B2M: variants seen among roughly 807,000 people sequenced by gnomAD.
The protein encoded by B2M is beta chain of MHC class I molecules.
A neutral mutation model predicts 14.5 loss-of-function variants in B2M; 3 were observed. The observed-to-expected ratio is 0.21, with a 90% CI of 0.09 to 0.53. The LOEUF (loss-of-function observed/expected upper bound fraction) is 0.53. Ranked by LOEUF, B2M falls within the 20% of genes least tolerant of loss-of-function variation. B2M has a pLI of 0.95. For synonymous variants in B2M, 45 were observed against 52.7 expected, an observed-to-expected ratio of 0.85 and a Z score of 0.64; for missense variants, 107 against 140.8, an observed-to-expected ratio of 0.76 and a Z score of 1.21.
chr15:44,711,592 T>C lies in B2M; in HGVS notation c.46T>C (p.Ser16Pro). Residue 16 changes from serine (S) to proline (P), a missense_variant, in exon 1 of 4, where the codon TCT (serine) becomes CCT (proline). Ser to Pro is a moderately conservative substitution (Grantham distance 74, BLOSUM62 -1). Coordinates refer to ENST00000648006, the MANE Select transcript of B2M (RefSeq NM_004048.4). Reference sequence around the variant, plus strand: ...AGCTGTGCTCGCGCTACTCTCTCTTTCTGGCCTGGAGGCTATCCAGCGTGA... The same window carrying C: ...AGCTGTGCTCGCGCTACTCTCTCTTCCTGGCCTGGAGGCTATCCAGCGTGA... The part of the protein sequence containing the change: ...ALAVLALLSL[S>P]GLEAIQRTPK... The C allele has an allele frequency of 6.2e-7, 1 of 1,613,880 alleles. No homozygotes were observed. Among genetic ancestry groups the C allele is most frequent in the Non-Finnish European group, 8.5e-7 (1 of 1,179,998 alleles).
chr15:44,711,740 C>T, intron 1 of B2M, 127 bp downstream of exon 1: 1 of 1,229,664 alleles, frequency 8.1e-7, no homozygotes. Context: ...CGCCGTGGGG[C>T]TAGTCCAGGG....
intron 3 of B2M, chr15:44,716,563 G>T: frequency 1.6e-6 from 1 of 616,630 alleles, no homozygotes; most frequent in East Asian, 2.7e-5. Flanking sequence ...CCATATTACT[G>T]ACCCTCTACA....
chr15:44,716,460 A>T (rs754833623), intron 3 of B2M, 104 bp downstream of exon 3: 6 of 1,246,276 alleles, frequency 4.8e-6, no homozygotes, highest in Non-Finnish European at 7.0e-6. Context: ...ACATTGACAG[A>T]GTAACATTTT....
chr15:44,715,456 C>T lies in B2M; in HGVS notation c.101C>T (p.Pro34Leu), dbSNP rs1261957968. 3 of 1,614,078 alleles carry T rather than the reference C, an allele frequency of 1.9e-6. No individual in the cohort carries two copies. In the South Asian group the frequency reaches 3.3e-5, roughly 18 times the overall value. The change falls in exon 2 of 4, where the codon CCA becomes CTA. Residue 34 changes from proline (P) to leucine (L), a missense_variant. Pro to Leu is a moderately conservative substitution (Grantham distance 98). Transcript: ENST00000648006. The stretch of plus-strand genomic sequence containing the variant: ...AAGATTCAGGTTTACTCACGTCATC[C>T]AGCAGAGAATGGAAAGTCAAATTTC... ...TPKIQVYSRH[P>L]AENGKSNFLN...
chr15:44,714,950 G>A, intron 1 of B2M: 14 of 207,996 alleles, frequency 6.7e-5, no homozygotes, highest in South Asian at 1.4e-4. Flanking sequence ...AAATGGAAGG[G>A]GTGGAAACAG....
intron 1 of B2M, chr15:44,711,857 C>A: frequency 1.6e-6 from 1 of 623,850 alleles, no homozygotes; most frequent in South Asian, 1.8e-5. Context: ...AGACCTTTGG[C>A]CTACGGCGAC....
rs1350819434 is a variant in B2M at position 44,715,460 on chromosome 15, A to G, written c.105A>G (p.Ala35=). The G allele has an allele frequency of 5.6e-6, 9 of 1,614,056 alleles. No individual in the cohort carries two copies. The African/African-American group carries it at 9.3e-5, about 17-fold the overall frequency. The change falls in exon 2 of 4, where the codon GCA becomes GCG. Residue 35 remains alanine, a synonymous_variant. Transcript: ENST00000648006. Reference sequence around the variant, plus strand: ...TTCAGGTTTACTCACGTCATCCAGCAGAGAATGGAAAGTCAAATTTCCTGA... The same window carrying G: ...TTCAGGTTTACTCACGTCATCCAGCGGAGAATGGAAAGTCAAATTTCCTGA... The part of the protein sequence containing the change: ...PKIQVYSRHP[A]ENGKSNFLNC...
At chr15:44,715,921 C>A in intron 2 of B2M, 1 of 664,576 alleles carries the variant, frequency 1.5e-6, no homozygotes, top group Non-Finnish European at 2.6e-6. Flanking sequence ...GTTTCTGAAC[C>A]AGTAGTTTCC....
intron 2 of B2M, 73 bp downstream of exon 2, chr15:44,715,774 TA>T (rs745445710): frequency 6.3e-7 from 1 of 1,579,014 alleles, no homozygotes; most frequent in Non-Finnish European, 8.7e-7. Context: ...TGCTTTGATA[TA>T]AAAAAGGTCT....
chr15:44,716,714 C>A (rs1338011918), intron 3 of B2M: 2 of 335,416 alleles, frequency 6.0e-6, no homozygotes, highest in Admixed American at 4.4e-5. Context: ...CCACTCTTTT[C>A]CTTTGTATAA....
intron 1 of B2M, 83 bp downstream of exon 1, chr15:44,711,696 G>A: frequency 1.3e-6 from 2 of 1,484,906 alleles, no homozygotes; most frequent in East Asian, 2.3e-5. Context: ...CTCTCGCTCC[G>A]TGACTTCCCT....
chr15:44,713,810 A>G (rs935508650), intron 1 of B2M: 1 of 152,142 alleles, frequency 6.6e-6, no homozygotes, highest in Non-Finnish European at 1.5e-5. Flanking sequence ...AGATTCCCCA[A>G]TCCACCTCTT....
intron 2 of B2M, 198 bp downstream of exon 2, chr15:44,715,899 A>G: frequency 1.4e-6 from 1 of 716,180 alleles, no homozygotes; most frequent in Non-Finnish European, 2.4e-6. Flanking sequence ...TGAGATACTG[A>G]TGCACAGCAT....
rs2141288537 is a variant in B2M, at chr15:44,715,463, G to A, written c.108G>A (p.Glu36=). The change falls in exon 2 of 4, where the codon GAG becomes GAA. Residue 36 remains glutamate, a synonymous_variant. Coordinates refer to ENST00000648006, the MANE Select transcript of B2M (RefSeq NM_004048.4). ...AGGTTTACTCACGTCATCCAGCAGA[G>A]AATGGAAAGTCAAATTTCCTGAATT... ...KIQVYSRHPA[E]NGKSNFLNCY... 1 of 1,614,110 alleles carries A rather than the reference G, an allele frequency of 6.2e-7. No homozygotes were observed. Among genetic ancestry groups the A allele is most frequent in the South Asian group, 1.1e-5 (1 of 91,092 alleles).
At chr15:44,713,927 G>T (rs973267120) in intron 1 of B2M, 1 of 152,172 alleles carries the variant, frequency 6.6e-6, no homozygotes, top group Non-Finnish European at 1.5e-5. Context: ...CAGACAAGGA[G>T]GAGTAGCTGC....
chr15:44,711,570 T>C lies in B2M; in HGVS notation c.24T>C (p.Ala8=), dbSNP rs1955559674. MSRSVAL[A]VLALLSLSGL... ...AGATGTCTCGCTCCGTGGCCTTAGC[T>C]GTGCTCGCGCTACTCTCTCTTTCTG... Residue 8 remains alanine, a synonymous_variant, in exon 1 of 4, where the codon GCT becomes GCC. Transcript: ENST00000648006. The C allele has an allele frequency of 1.9e-6, 3 of 1,613,992 alleles. No homozygotes were observed. Among genetic ancestry groups the C allele is most frequent in the Non-Finnish European group, 2.5e-6 (3 of 1,180,032 alleles).
intron 1 of B2M, chr15:44,714,060 G>C (rs2086916127): frequency 6.6e-6 from 1 of 152,110 alleles, no homozygotes; most frequent in African/African-American, 2.4e-5. Context: ...GAAAAATATA[G>C]AGTTTATAAT....
In B2M at chr15:44,711,805, C is replaced by G. The variant is rs138846990; in HGVS notation, c.67+192C>G. ...TGGGAGTGGGGAAGGGGGTGCGCAC[C>G]CGGGACGCGCGCTACTTGCCCCTTT... On this transcript the variant is annotated intron_variant, in intron 1 of 3. Transcript: ENST00000648006. 630 of 748,924 alleles carry G rather than the reference C, an allele frequency of 8.4e-4. 7 individuals are homozygous for G. In the African/African-American group the frequency reaches 9.4e-3, roughly 11 times the overall value. The allele number at this position is 748,924 out of a possible 1,614,324, so 46.4% of individuals were successfully genotyped here. A position where few individuals can be genotyped will look rare whatever the true frequency, so the allele number is the denominator to read the frequency against.
At chr15:44,715,203 T>TAG (rs2141288338) in intron 1 of B2M, 1 of 621,436 alleles carries the variant, frequency 1.6e-6, no homozygotes, top group East Asian at 2.8e-5. Context: ...AAGGCATGTA[T>TAG]AGAGGAATTA....
Sources: allele counts gnomAD v4.1 joint callset, GRCh38; gene constraint gnomAD v4.1.1; transcripts MANE v1.5; gene names NCBI Gene and HGNC (gene_info 2026-07-23, HGNC 2026-07-21).